CCNT2: variants seen among roughly 807,000 people sequenced by gnomAD.
CCNT2 encodes the protein cyclin T2.
CCNT2 carries 18 observed loss-of-function variants against 70.0 expected under a neutral mutation model. That is an observed-to-expected ratio of 0.26 (90% CI 0.18 to 0.38). The LOEUF (loss-of-function observed/expected upper bound fraction) is 0.38, where lower values mean the gene tolerates loss of function less well. CCNT2 is among the 10% of genes least tolerant of loss of function. CCNT2 has a pLI of 1.00. For missense variants in CCNT2, 734 were observed against 890.2 expected (o/e 0.82, Z 2.23); for synonymous variants, 334 against 313.3 (o/e 1.07, Z -0.70).
chr2:134,939,837 T>C (rs1681438257), intron 4 of CCNT2, among the ~76,000 whole-genome samples: 1 of 152,202 alleles, frequency 6.6e-6, no homozygotes, highest in African/African-American at 2.4e-5. Context: ...GTTATATCTT[T>C]GTATGCAAGT....
At chr2:134,951,651 G>T (rs45446696) in intron 7 of CCNT2, among the ~76,000 whole-genome samples, 35,071 of 151,966 alleles carry the variant, frequency 0.23, 4,272 homozygotes, top group East Asian at 0.4. Context: ...GACCAGCCTG[G>T]TCAACATAGC....
intron 5 of CCNT2, 155 bp from the exon 6 acceptor site, chr2:134,945,946 A>G: frequency 6.5e-7 from 1 of 1,546,500 alleles, no homozygotes; most frequent in Non-Finnish European, 8.7e-7. Context: ...TTTCAGTAGT[A>G]TAGAAAATGA....
At chr2:134,929,636 A>AGAGAG (rs1419165195) in intron 2 of CCNT2, among the ~76,000 whole-genome samples, 4 of 129,842 alleles carry the variant, frequency 3.1e-5, no homozygotes, top group Admixed American at 1.7e-4. Flanking sequence ...AGAGAGAGAG[A>AGAGAG]ACTAATAAAT....
chr2:134,947,968 A>G, intron 7 of CCNT2, 69 bp downstream of exon 7: 1 of 870,950 alleles, frequency 1.1e-6, no homozygotes, highest in East Asian at 2.7e-5. Flanking sequence ...TTGACAATAG[A>G]AAGTGTCAGT....
intron 7 of CCNT2, among the ~76,000 whole-genome samples, chr2:134,950,915 A>G (rs1286544287): frequency 6.6e-6 from 1 of 152,240 alleles, no homozygotes; most frequent in Non-Finnish European, 1.5e-5. Context: ...CAAAGCTTAC[A>G]TTTTGTGTAC....
At chr2:134,948,505 T>C (rs887079723) in intron 7 of CCNT2, among the ~76,000 whole-genome samples, 6 of 152,204 alleles carry the variant, frequency 3.9e-5, no homozygotes, top group Non-Finnish European at 4.4e-5. Context: ...TTTCTTGCTC[T>C]GTATTACCAT....
At chr2:134,946,995 G>A (rs1333328563) in intron 6 of CCNT2, among the ~76,000 whole-genome samples, 4 of 152,094 alleles carry the variant, frequency 2.6e-5, no homozygotes, top group African/African-American at 4.8e-5. Flanking sequence ...TCTGTTGTTG[G>A]TATTTAACCT....
In CCNT2 at chr2:134,942,631, A is replaced by G. The variant is rs371135833; in HGVS notation, c.450A>G (p.Glu150=). 4 of 1,610,484 alleles carry G rather than the reference A, an allele frequency of 2.5e-6. No individual in the cohort carries two copies. Among genetic ancestry groups the G allele is most frequent in the Non-Finnish European group, 3.4e-6 (4 of 1,178,772 alleles). The change falls in exon 5 of 9, where the codon GAA becomes GAG. Residue 150 remains glutamate, a synonymous_variant. Coordinates refer to ENST00000264157, the MANE Select transcript of CCNT2 (RefSeq NM_058241.3). ...LQTLGFEITI[E]HPHTDVVKCT... is the part of the protein sequence containing the mutation. ...TTTCAGGTTTTGAGATCACCATTGA[A>G]CACCCACACACAGATGTGGTGAAAT...
chr2:134,923,946 C>G (rs369445593), intron 2 of CCNT2, among the ~76,000 whole-genome samples: 1 of 152,162 alleles, frequency 6.6e-6, no homozygotes, highest in African/African-American at 2.4e-5. Flanking sequence ...TTTATTTGCC[C>G]GCCTCATTGC....
At chr2:134,937,972 T>C (rs1313903518) in intron 3 of CCNT2, among the ~76,000 whole-genome samples, 1 of 152,198 alleles carries the variant, frequency 6.6e-6, no homozygotes, top group African/African-American at 2.4e-5. Flanking sequence ...CCTTTACCCA[T>C]TGAATGACTA....
intron 5 of CCNT2, chr2:134,943,401 CA>C (rs199863815): frequency 1.6e-3 from 1,412 of 861,440 alleles, no homozygotes; most frequent in Non-Finnish European, 1.8e-3. Context: ...GACCCTATCT[CA>C]AAAAAAAAAG....
chr2:134,954,980 G>A lies in CCNT2; in HGVS notation c.*332G>A, dbSNP rs997889843. On this transcript the variant is annotated 3_prime_UTR_variant, in exon 9 of 9. Transcript: ENST00000264157. Reference sequence around the variant, plus strand: ...ATTCATTATTTATGATTTGAATACTGTAGCTATTTTTTGTTGCTTGGCTTT... The same window carrying A: ...ATTCATTATTTATGATTTGAATACTATAGCTATTTTTTGTTGCTTGGCTTT... 9.4e-6 allele frequency: 2 copies of A among 211,986 alleles called. No individual in the cohort carries two copies. The highest frequency in any genetic ancestry group is 1.9e-5 in the Non-Finnish European group (2 of 104,656). 13.1% of individuals were successfully genotyped at this position (211,986 alleles called of 1,614,324 possible).
At chr2:134,925,579 T>A (rs926682034) in intron 2 of CCNT2, among the ~76,000 whole-genome samples, 5 of 152,166 alleles carry the variant, frequency 3.3e-5, no homozygotes, top group Non-Finnish European at 1.5e-5. Flanking sequence ...TCATCTATGT[T>A]GTTGTATTTA....
At chr2:134,939,359 T>A (rs2105055048) in intron 4 of CCNT2, among the ~76,000 whole-genome samples, 1 of 152,342 alleles carries the variant, frequency 6.6e-6, no homozygotes, top group Non-Finnish European at 1.5e-5. Flanking sequence ...CCTTTAGGGT[T>A]GTTTTATATG....
At chr2:134,924,719 G>C (rs143865281) in intron 2 of CCNT2, among the ~76,000 whole-genome samples, 1 of 152,090 alleles carries the variant, frequency 6.6e-6, no homozygotes, top group Non-Finnish European at 1.5e-5. Flanking sequence ...AAAGTGCTGG[G>C]ATTACAGGCG....
intron 2 of CCNT2, among the ~76,000 whole-genome samples, 186 bp from the exon 3 acceptor site, chr2:134,936,655 G>A (rs894275455): frequency 6.6e-6 from 1 of 152,030 alleles, no homozygotes; most frequent in Non-Finnish European, 1.5e-5. Flanking sequence ...CAGGGAGGCT[G>A]AGGCAGGAGA....
intron 4 of CCNT2, among the ~76,000 whole-genome samples, chr2:134,940,448 TA>T (rs1330183067): frequency 5.3e-5 from 8 of 152,314 alleles, no homozygotes; most frequent in Middle Eastern, 3.4e-3. Flanking sequence ...AATCTATTTT[TA>T]AAAGATAAAA....
intron 2 of CCNT2, among the ~76,000 whole-genome samples, chr2:134,926,617 C>T (rs1680320566): frequency 6.6e-6 from 1 of 152,230 alleles, no homozygotes; most frequent in Non-Finnish European, 1.5e-5. Flanking sequence ...ATTGGCCTGC[C>T]ATGATTTCCA....
intron 4 of CCNT2, among the ~76,000 whole-genome samples, chr2:134,940,626 A>G (rs1267989855): frequency 1.3e-5 from 2 of 152,186 alleles, no homozygotes; most frequent in Non-Finnish European, 2.9e-5. Flanking sequence ...CAGTGAGCTC[A>G]CATGTTATGA....
Sources: allele counts gnomAD v4.1 joint callset (sites outside exome capture counted in the v4.1 genomes callset), GRCh38; gene constraint gnomAD v4.1.1; transcripts MANE v1.5; gene names NCBI Gene and HGNC (gene_info 2026-07-23, HGNC 2026-07-21).